Variants in EMILIN2 observed in about 807,000 individuals in gnomAD.
The protein encoded by EMILIN2 is EMILIN-2.
Under a neutral mutation model 87.1 loss-of-function variants are expected in EMILIN2, and 71 were observed. The observed-to-expected ratio is 0.82, with a 90% confidence interval of 0.67 to 0.99. The LOEUF is 0.99. Among genes scored for constraint, EMILIN2 ranks in the 50% least tolerant of loss-of-function variants. The pLI, the probability that EMILIN2 is intolerant of heterozygous loss-of-function variation, is 0.00. For synonymous variants in EMILIN2, 581 were observed against 563.4 expected (o/e 1.03, Z -0.44); for missense variants, 1,407 against 1,371.8 (o/e 1.03, Z -0.40).
chr18:2,868,663 G>A (rs547782097), intron 2 of EMILIN2, among the ~76,000 whole-genome samples: 316 of 152,372 alleles, frequency 2.1e-3, no homozygotes, highest in Non-Finnish European at 3.3e-3. Flanking sequence ...AGGCGTGGGG[G>A]CGCGCGCCTG....
At chr18:2,912,032 C>CTTTTTTTT (rs35260656) in intron 7 of EMILIN2, among the ~76,000 whole-genome samples, 1 of 73,150 alleles carries the variant, frequency 1.4e-5, no homozygotes, top group Non-Finnish European at 2.7e-5. Flanking sequence ...CTGACAACCA[C>CTTTTTTTT]TTTTTTTTTT....
rs116688081 is a variant in EMILIN2 at position 2,913,175 on chromosome 18, C to T, written c.2933C>T (p.Ala978Val). 9.3e-6 allele frequency: 15 copies of T among 1,614,004 alleles called. No homozygotes were observed. In the Admixed American group the frequency reaches 1.0e-4, roughly 11 times the overall value. Residue 978 changes from alanine to valine, a missense_variant, in exon 8 of 8, where the codon GCC becomes GTC. By Grantham distance (64) the Ala-to-Val change is moderately conservative. Coordinates refer to ENST00000254528, the MANE Select transcript of EMILIN2 (RefSeq NM_032048.3). ...AVLSVSNASV[A>V]QLHTAGYRRE... ...CTGTCGGTCTCCAACGCCAGCGTGG[C>T]CCAGCTGCATACCGCTGGGTACAGG...
chr18:2,868,787 AAAGAG>A (rs1450647144), intron 2 of EMILIN2, among the ~76,000 whole-genome samples: 1 of 151,338 alleles, frequency 6.6e-6, no homozygotes. Context: ...GAGACCGTGG[AAAGAG>A]GAGAGGGAGA....
intron 2 of EMILIN2, among the ~76,000 whole-genome samples, chr18:2,866,873 G>A (rs920675333): frequency 5.9e-5 from 9 of 152,166 alleles, no homozygotes; most frequent in South Asian, 2.1e-4. Flanking sequence ...TATGTCTCTT[G>A]TATGCCGATT....
intron 2 of EMILIN2, among the ~76,000 whole-genome samples, chr18:2,854,220 G>C (rs986293652): frequency 6.6e-6 from 1 of 152,184 alleles, no homozygotes; most frequent in Non-Finnish European, 1.5e-5. Flanking sequence ...AGCCCCTCGA[G>C]GCCTGTGTTG....
rs755074676 is a variant in EMILIN2, at chr18:2,913,422, CAG to C, written c.*19_*20del. Reference sequence around the variant, plus strand: ...ACCTCTAAGGTGGCTGGGGAGATGTCAGGGGAAAGATAGATAGTTGTAAAAAC... The same window carrying C: ...ACCTCTAAGGTGGCTGGGGAGATGTCGGGAAAGATAGATAGTTGTAAAAAC... On this transcript the variant is annotated 3_prime_UTR_variant, in exon 8 of 8. Transcript: ENST00000254528. The C allele has an allele frequency of 1.0e-5, 16 of 1,540,776 alleles. No homozygotes were observed. Among genetic ancestry groups the C allele is most frequent in the Non-Finnish European group, 1.4e-5 (16 of 1,140,036 alleles).
Position 2,906,913 on chromosome 18 carries a change from C to T in EMILIN2, c.2490C>T (p.Pro830=), listed in dbSNP as rs1045978467. 2 of 1,393,220 alleles carry T rather than the reference C, an allele frequency of 1.4e-6. No individual in the cohort carries two copies. The highest frequency in any genetic ancestry group is 1.5e-5 in the South Asian group (1 of 64,754). The allele number at this position is 1,393,220 out of a possible 1,614,324, so 86.3% of individuals were successfully genotyped here. A position where few individuals can be genotyped will look rare whatever the true frequency, so the allele number is the denominator to read the frequency against. ...PGRRPVLPQR[P]PEERPPQPPG... Reference sequence around the variant, plus strand: ...GACGGCCCGTCCTGCCCCAGCGGCCCCCCGAGGAGAGGCCGCCCCAGCCGC... The same window carrying T: ...GACGGCCCGTCCTGCCCCAGCGGCCTCCCGAGGAGAGGCCGCCCCAGCCGC... The change falls in exon 5 of 8, where the codon CCC becomes CCT. Residue 830 remains proline (P), a synonymous_variant. Transcript: ENST00000254528.
At chr18:2,888,694 A>T (rs575613147) in intron 3 of EMILIN2, among the ~76,000 whole-genome samples, 1 of 150,208 alleles carries the variant, frequency 6.7e-6, no homozygotes, top group Non-Finnish European at 1.5e-5. Flanking sequence ...CAGCCTGGGC[A>T]ACAGAGGGAG....
chr18:2,909,720 T>G lies in EMILIN2; in HGVS notation c.2725T>G (p.Ser909Ala). Residue 909 changes from serine (S) to alanine (A), a missense_variant, in exon 7 of 8, where the codon TCT (serine) becomes GCT (alanine). Physicochemically the swap from Ser to Ala is moderately conservative, Grantham distance 99 (BLOSUM62 1). Coordinates refer to ENST00000254528, the MANE Select transcript of EMILIN2 (RefSeq NM_032048.3). ...GAPVPSLVSF[S>A]AGLTQKPFPS... is the part of the protein sequence containing the mutation. ...TCCGGTGCCTTCTCTGGTGTCTTTTTCTGCGGGGCTCACCCAGAAGCCTTT... is the reference window on the plus strand; with the variant it reads ...TCCGGTGCCTTCTCTGGTGTCTTTTGCTGCGGGGCTCACCCAGAAGCCTTT... 1 of 1,614,096 alleles carries G rather than the reference T, an allele frequency of 6.2e-7. No homozygotes were observed. The highest frequency in any genetic ancestry group is 1.1e-5 in the South Asian group (1 of 91,076).
intron 4 of EMILIN2, among the ~76,000 whole-genome samples, chr18:2,902,200 G>C (rs188507850): frequency 2.0e-5 from 3 of 152,296 alleles, no homozygotes; most frequent in Admixed American, 2.0e-4. Context: ...CAACTTAATG[G>C]CTGGCAGGAA....
intron 2 of EMILIN2, among the ~76,000 whole-genome samples, chr18:2,874,918 G>C (rs1024874965): frequency 2.6e-5 from 4 of 152,258 alleles, no homozygotes; most frequent in Admixed American, 2.0e-4. Flanking sequence ...GTCAGCATCT[G>C]TGGCCTTCAC....
chr18:2,855,883 G>A (rs576942854), intron 2 of EMILIN2, among the ~76,000 whole-genome samples: 6 of 152,298 alleles, frequency 3.9e-5, no homozygotes, highest in East Asian at 3.9e-4. Flanking sequence ...CAGCAGGCAC[G>A]TCTGGTGAAC....
chr18:2,901,744 G>T (rs1470621332), intron 4 of EMILIN2, among the ~76,000 whole-genome samples: 1 of 152,228 alleles, frequency 6.6e-6, no homozygotes, highest in Non-Finnish European at 1.5e-5. Flanking sequence ...CTGCTGGAGA[G>T]GTCTCTTTCC....
intron 2 of EMILIN2, among the ~76,000 whole-genome samples, chr18:2,878,936 G>A (rs535055540): frequency 6.6e-6 from 1 of 152,252 alleles, no homozygotes; most frequent in East Asian, 1.9e-4. Flanking sequence ...GGGGGCAACG[G>A]GTTTTGGTTC....
At chr18:2,904,747 C>T (rs2076902047) in intron 4 of EMILIN2, among the ~76,000 whole-genome samples, 1 of 152,174 alleles carries the variant, frequency 6.6e-6, no homozygotes, top group Non-Finnish European at 1.5e-5. Context: ...GCTTTGGTCC[C>T]TGTCGTTCAC....
chr18:2,911,252 G>A (rs1257898273), intron 7 of EMILIN2, among the ~76,000 whole-genome samples: 2 of 152,176 alleles, frequency 1.3e-5, no homozygotes, highest in South Asian at 2.1e-4. Flanking sequence ...CCCTTGGGGG[G>A]CCGTCCGCAT....
intron 2 of EMILIN2, among the ~76,000 whole-genome samples, chr18:2,866,185 G>A (rs761530677): frequency 9.9e-5 from 15 of 152,088 alleles, no homozygotes; most frequent in Non-Finnish European, 1.6e-4. Flanking sequence ...GCCCTGCTTC[G>A]GCTCACACTG....
At chr18:2,856,981 GA>G (rs1206373654) in intron 2 of EMILIN2, among the ~76,000 whole-genome samples, 1 of 152,164 alleles carries the variant, frequency 6.6e-6, no homozygotes, top group Non-Finnish European at 1.5e-5. Flanking sequence ...GATGAGGGCT[GA>G]AACAAAGTAG....
intron 2 of EMILIN2, among the ~76,000 whole-genome samples, 199 bp from the exon 3 acceptor site, chr18:2,884,765 C>T (rs1323106202): frequency 6.6e-6 from 1 of 152,088 alleles, no homozygotes; most frequent in Non-Finnish European, 1.5e-5. Flanking sequence ...ATTGGGGAGC[C>T]CCTGCCTTCC....
Sources: allele counts gnomAD v4.1 joint callset (sites outside exome capture counted in the v4.1 genomes callset), GRCh38; gene constraint gnomAD v4.1.1; transcripts MANE v1.5; gene names NCBI Gene and HGNC (gene_info 2026-07-23, HGNC 2026-07-21).